The following USP8 variants were observed in gnomAD, a reference collection of about 807,000 sequenced individuals.
USP8 encodes the protein ubiquitin specific peptidase 8, also known as ubiquitin carboxyl-terminal hydrolase 8.
A neutral mutation model predicts 130.0 loss-of-function variants in USP8; 27 were observed. The ratio of observed to expected loss-of-function variants is 0.21; its 90% CI spans 0.15 to 0.29. The LOEUF (loss-of-function observed/expected upper bound fraction) is 0.29, where lower values mean the gene tolerates loss of function less well. Ranked by LOEUF, USP8 falls within the 10% of genes least tolerant of loss-of-function variation. USP8 has a pLI of 1.00. For missense variants in USP8, 1,029 were observed against 1,312.2 expected, an observed-to-expected ratio of 0.78 and a Z score of 3.33; for synonymous variants, 392 against 444.1, an observed-to-expected ratio of 0.88 and a Z score of 1.48.
rs147161534 is a variant in USP8 at position 50,453,030 on chromosome 15, T to C, written c.335+3545T>C. ...GCATATGAGATAGGCAGGAAAGTGG[T>C]GTTGATATTTCCATAGAGATAATAG... is the stretch of plus-strand genomic sequence containing the variant. On this transcript the variant is annotated intron_variant, in intron 4 of 19. Transcript: ENST00000307179. Among the ~76,000 whole-genome samples, 738 of 152,018 alleles carry C rather than the reference T, an allele frequency of 4.9e-3. 3 individuals carry two copies. The highest frequency in any genetic ancestry group is 8.2e-3 in the Non-Finnish European group (558 of 67,966).
chr15:50,438,634 A>G (rs529653667), intron 1 of USP8, among the ~76,000 whole-genome samples: 1 of 152,286 alleles, frequency 6.6e-6, no homozygotes, highest in Non-Finnish European at 1.5e-5. Context: ...ATAAATGGAT[A>G]TCAATGAGAA....
chr15:50,434,638 CAG>C (rs905357777), intron 1 of USP8, among the ~76,000 whole-genome samples: 16 of 151,978 alleles, frequency 1.1e-4, no homozygotes, highest in African/African-American at 3.9e-4. Context: ...TTTTAAAAGA[CAG>C]GGTCTTGCTG....
At chr15:50,457,813 A>G (rs993409278) in intron 4 of USP8, among the ~76,000 whole-genome samples, 44 of 149,900 alleles carry the variant, frequency 2.9e-4, no homozygotes, top group African/African-American at 1.1e-3. Flanking sequence ...GTGAACCGAG[A>G]TCATGCCAGT....
Position 50,433,694 on chromosome 15 carries a change from C to T in USP8, c.-65-5315C>T, listed in dbSNP as rs146389630. 2.6e-4 allele frequency among the ~76,000 whole-genome samples: 39 copies of T among 152,274 alleles called. 1 individual carries two copies. The East Asian group carries it at 7.5e-3, about 29-fold the overall frequency. On this transcript the variant is annotated intron_variant, in intron 1 of 19. Transcript: ENST00000307179. ...GATCTCAGCTCACTGCAAGCTCCAC[C>T]TCCCAGGTTCGTGCCATTCTCCTGC...
chr15:50,433,767 G>A (rs893385445), intron 1 of USP8, among the ~76,000 whole-genome samples: 7 of 151,996 alleles, frequency 4.6e-5, no homozygotes, highest in South Asian at 2.1e-4. Context: ...CACCGTGCCC[G>A]GCTAATTTTT....
At chr15:50,427,138 CA>C (rs1567590459) in intron 1 of USP8, among the ~76,000 whole-genome samples, 1 of 151,962 alleles carries the variant, frequency 6.6e-6, no homozygotes, top group East Asian at 1.9e-4. Context: ...GGGGTTTCAC[CA>C]TGTTGGCCAG....
In USP8 at chr15:50,500,706, A is replaced by C. The variant is rs2052567871; in HGVS notation, c.*1618A>C. ...AGGGCTGGCAGCTATAGAACAGGAG[A>C]TCCATAGCATTTTGAACAGAAGTAT... On this transcript the variant is annotated 3_prime_UTR_variant, in exon 20 of 20. Coordinates refer to ENST00000307179, the MANE Select transcript of USP8 (RefSeq NM_005154.5). 6.9e-7 allele frequency: 1 copy of C among 1,448,520 alleles called. No individual in the cohort carries two copies. Among genetic ancestry groups the C allele is most frequent in the Non-Finnish European group, 9.5e-7 (1 of 1,052,996 alleles). 89.7% of individuals were successfully genotyped at this position (1,448,520 alleles called of 1,614,324 possible).
rs1275095725 is a variant in USP8, at chr15:50,513,224, A to C, written c.*14136A>C. ...CACTCCTAAGTATATACATGAGAGA[A>C]ACTCTTATGCACATATATATGCAGG... On this transcript the variant is annotated 3_prime_UTR_variant, in exon 20 of 20. Coordinates refer to ENST00000307179, the MANE Select transcript of USP8 (RefSeq NM_005154.5). 2.0e-5 allele frequency: 3 copies of C among 152,322 alleles called. No homozygotes were observed. The highest frequency in any genetic ancestry group is 6.5e-5 in the Admixed American group (1 of 15,292). The allele number at this position is 152,322 out of a possible 1,614,324, so 9.4% of individuals were successfully genotyped here.
chr15:50,462,190 A>C (rs2051030923), intron 5 of USP8, 90 bp from the exon 6 acceptor site: 5 of 1,106,536 alleles, frequency 4.5e-6, no homozygotes, highest in South Asian at 1.4e-5. Context: ...CGTTTCTTAG[A>C]GTTTCCATTT....
chr15:50,496,525 A>C lies in USP8; in HGVS notation c.2895+441A>C, dbSNP rs542175345. Among the ~76,000 whole-genome samples, 155 of 152,098 alleles carry C rather than the reference A, an allele frequency of 1.0e-3. 2 individuals are homozygous for C. The highest frequency in any genetic ancestry group is 3.5e-3 in the African/African-American group (147 of 41,510). ...ACCTTTTATCAGTAAAACTCAATAT[A>C]AATTCTGTTTTATAATTAGGCCTAT... On this transcript the variant is annotated intron_variant, in intron 17 of 19. Transcript: ENST00000307179.
In USP8 at chr15:50,490,541, C is replaced by T. The variant is rs1189440972; in HGVS notation, c.2234+16C>T. The stretch of plus-strand genomic sequence containing the variant: ...GGGAAAACAAGTATGTTTATCTTAA[C>T]TCCTAGAACTAAAATAATGTGCTGT... On this transcript the variant is annotated intron_variant, in intron 14 of 19. Coordinates refer to ENST00000307179, the MANE Select transcript of USP8 (RefSeq NM_005154.5). 3 of 1,609,794 alleles carry T rather than the reference C, an allele frequency of 1.9e-6. No individual in the cohort carries two copies. The East Asian group carries it at 6.7e-5, about 36-fold the overall frequency.
In USP8 at chr15:50,441,509, G is replaced by T; in HGVS notation, c.249+16G>T. 1.3e-6 allele frequency: 2 copies of T among 1,536,640 alleles called. No individual in the cohort carries two copies. The highest frequency in any genetic ancestry group is 1.3e-5 in the South Asian group (1 of 78,846). On this transcript the variant is annotated intron_variant, in intron 3 of 19. Coordinates refer to ENST00000307179, the MANE Select transcript of USP8 (RefSeq NM_005154.5). ...GCAACAGCAGGTACCTTTTATTTTT[G>T]CATTGTTATTTCCTAAGTTATTTTG...
intron 2 of USP8, among the ~76,000 whole-genome samples, chr15:50,440,083 ATAAAAT>A (rs2050206568): frequency 1.3e-5 from 2 of 152,152 alleles, no homozygotes; most frequent in African/African-American, 4.8e-5. Flanking sequence ...CTGCCTCAAA[ATAAAAT>A]TAAAAAGATC....
intron 13 of USP8, 128 bp from the exon 14 acceptor site, chr15:50,490,135 A>G (rs2052103971): frequency 9.1e-7 from 1 of 1,096,132 alleles, no homozygotes; most frequent in Non-Finnish European, 1.3e-6. Context: ...TTTGAAGTTT[A>G]TCGCCATTTT....
Position 50,509,215 on chromosome 15 carries a change from G to A in USP8, c.*10127G>A, listed in dbSNP as rs1187832985. 1.3e-5 allele frequency: 2 copies of A among 151,914 alleles called. No homozygotes were observed. The highest frequency in any genetic ancestry group is 4.8e-5 in the African/African-American group (2 of 41,238). The allele number at this position is 151,914 out of a possible 1,614,324, so 9.4% of individuals were successfully genotyped here. A position where few individuals can be genotyped will look rare whatever the true frequency, so the allele number is the denominator to read the frequency against. ...GCCTGTAGTTCCATCTACTTGGGAGGCTGAGGTGGGAGGATGGCTCGAGCC... is the reference window on the plus strand; with the variant it reads ...GCCTGTAGTTCCATCTACTTGGGAGACTGAGGTGGGAGGATGGCTCGAGCC... On this transcript the variant is annotated 3_prime_UTR_variant, in exon 20 of 20. Transcript: ENST00000307179.
chr15:50,424,418 T>A lies in USP8; in HGVS notation c.-162T>A, dbSNP rs1295055075. The A allele has an allele frequency of 5.0e-6, 2 of 398,578 alleles. No individual in the cohort carries two copies. The highest frequency in any genetic ancestry group is 8.8e-6 in the Non-Finnish European group (2 of 226,102). The allele number at this position is 398,578 out of a possible 1,614,324, so 24.7% of individuals were successfully genotyped here. A position where few individuals can be genotyped will look rare whatever the true frequency, so the allele number is the denominator to read the frequency against. On this transcript the variant is annotated 5_prime_UTR_variant, in exon 1 of 20. Transcript: ENST00000307179. ...GGAAAAGGGGGTGAGCTGGGCTGGC[T>A]TCCGTCCTGGTAGCCAAGGCTAATT...
rs768345257 is a variant in USP8, at chr15:50,492,682, T to C, written c.2235-19T>C. On this transcript the variant is annotated intron_variant, in intron 14 of 19. Coordinates refer to ENST00000307179, the MANE Select transcript of USP8 (RefSeq NM_005154.5). ...ATGCTCAGCATTTTAAGACATCTTG[T>C]ATCCTTTTTCTTCCTCAGGCCAACA... 6.2e-7 allele frequency: 1 copy of C among 1,609,144 alleles called. No homozygotes were observed. The highest frequency in any genetic ancestry group is 8.5e-7 in the Non-Finnish European group (1 of 1,179,210).
rs112084651 is a variant in USP8, at chr15:50,493,743, A to G, written c.2448-327A>G. The G allele has an allele frequency of 2.4e-3, 976 of 401,152 alleles. 11 individuals carry two copies. Among genetic ancestry groups the G allele is most frequent in the African/African-American group, 0.019 (905 of 48,504 alleles). 24.8% of individuals were successfully genotyped at this position (401,152 alleles called of 1,614,324 possible). On this transcript the variant is annotated intron_variant, in intron 15 of 19. Transcript: ENST00000307179. The stretch of plus-strand genomic sequence containing the variant: ...AGCCTGGGTGACAGAATGAGACCCT[A>G]TCTCAAAAAAGAGTAAAGCCTTCTC...
At chr15:50,489,967 G>A in intron 13 of USP8, 86 bp downstream of exon 13, 1 of 1,139,578 alleles carries the variant, frequency 8.8e-7, no homozygotes. Flanking sequence ...GTAATGCAGA[G>A]TCAATTCCAT....
Sources: allele counts gnomAD v4.1 joint callset (sites outside exome capture counted in the v4.1 genomes callset), GRCh38; gene constraint gnomAD v4.1.1; transcripts MANE v1.5; gene names NCBI Gene and HGNC (gene_info 2026-07-23, HGNC 2026-07-21).